Variants in CFAP46 observed in about 807,000 individuals in gnomAD.
CFAP46 encodes cilia and flagella associated protein 46.
Under a neutral mutation model 325.7 loss-of-function variants are expected in CFAP46, and 245 were observed. The observed-to-expected ratio is 0.75, with a 90% CI of 0.68 to 0.84. The LOEUF (loss-of-function observed/expected upper bound fraction) is 0.84, where lower values mean the gene tolerates loss of function less well. CFAP46 is among the 40% of genes least tolerant of loss of function. The probability of loss-of-function intolerance (pLI) is 0.00; values close to 1 mark genes in which losing one functional copy is unlikely to be tolerated. For synonymous variants in CFAP46, 1,523 were observed against 1,495.9 expected, an observed-to-expected ratio of 1.02 and a Z score of -0.42; for missense variants, 3,346 against 3,543.0, an observed-to-expected ratio of 0.94 and a Z score of 1.41.
chr10:132,926,072 T>TGCTA (rs1489699866), intron 10 of CFAP46, among the ~76,000 whole-genome samples: 1 of 152,236 alleles, frequency 6.6e-6, no homozygotes, highest in Non-Finnish European at 1.5e-5. Context: ...TGGTAGTGGC[T>TGCTA]GCTATTCCAG....
chr10:132,835,493 C>A, intron 46 of CFAP46, 59 bp from the exon 47 acceptor site: 3 of 1,602,618 alleles, frequency 1.9e-6, no homozygotes, highest in Non-Finnish European at 1.7e-6. Flanking sequence ...GCAGCTGGAC[C>A]GTGCATGGTG....
intron 32 of CFAP46, among the ~76,000 whole-genome samples, chr10:132,870,282 G>C (rs1006677908): frequency 1.3e-5 from 2 of 152,048 alleles, no homozygotes; most frequent in African/African-American, 4.8e-5. Context: ...TATTCCCCAA[G>C]ACACAGAAAT....
In CFAP46 at chr10:132,919,550, A is replaced by G. The variant is rs983894510; in HGVS notation, c.1731-108T>C. The G allele has an allele frequency of 3.6e-6, 5 of 1,405,472 alleles. No individual in the cohort carries two copies. The highest frequency in any genetic ancestry group is 3.8e-6 in the Non-Finnish European group (4 of 1,060,018). The allele number at this position is 1,405,472 out of a possible 1,614,324, so 87.1% of individuals were successfully genotyped here. A position where few individuals can be genotyped will look rare whatever the true frequency, so the allele number is the denominator to read the frequency against. ...TGAGAAAAGGCCACTGTGGCTCTGC[A>G]GTTTCAAGGTGGCAAGGAGCCCGGC... On this transcript the variant is annotated intron_variant, in intron 14 of 57. Transcript: ENST00000368586. This position sits in a 1 kb window ranked among gnomAD's most constrained non-coding sequence, Gnocchi z 9.7.
intron 6 of CFAP46, chr10:132,937,322 G>T: frequency 1.8e-6 from 1 of 560,180 alleles, no homozygotes; most frequent in Non-Finnish European, 3.0e-6. Flanking sequence ...AAAGAGCGAC[G>T]ATAAAGGCAA....
chr10:132,876,959 A>C lies in CFAP46; in HGVS notation c.4215T>G (p.Ser1405=). The change falls in exon 31 of 58, where the codon TCT becomes TCG. Residue 1405 remains serine, a splice_region_variant and synonymous_variant. Transcript: ENST00000368586. The surrounding 1 kb of genome is among the most constrained non-coding windows in gnomAD (Gnocchi z 4.1). ...GTTGTTTGATAGGAGCTGGGCTTTG[A>C]GACTAGAAAGGCAAGAATACAGGAT... ...KEEKVKEPKQ[S]QSPAPIKQLE... is the part of the protein sequence containing the mutation. 6.5e-7 allele frequency: 1 copy of C among 1,548,854 alleles called. No homozygotes were observed. Among genetic ancestry groups the C allele is most frequent in the South Asian group, 1.2e-5 (1 of 83,678 alleles).
chr10:132,823,055 T>C (rs1221557804), intron 50 of CFAP46, among the ~76,000 whole-genome samples: 1 of 132,274 alleles, frequency 7.6e-6, no homozygotes, highest in African/African-American at 2.9e-5. Flanking sequence ...TGCTGTGTGC[T>C]GTGAGTGCTG....
chr10:132,855,055 G>A (rs1438295514), intron 39 of CFAP46, among the ~76,000 whole-genome samples: 1 of 150,812 alleles, frequency 6.6e-6, no homozygotes, highest in Non-Finnish European at 1.5e-5. Context: ...TGGTAGTGTT[G>A]TTCAAATCTT....
chr10:132,877,428 G>C lies in CFAP46; in HGVS notation c.4212+453C>G, dbSNP rs1051618426. ...TTTGAGAAGTGGATACTTGCAGAGA[G>C]AAAGGTTTCATGAGATGAAAAAAAC... On this transcript the variant is annotated intron_variant, in intron 30 of 57. Transcript: ENST00000368586. The surrounding 1 kb of genome is among the most constrained non-coding windows in gnomAD (Gnocchi z 5.7). Among the ~76,000 whole-genome samples the C allele has an allele frequency of 1.3e-5, 2 of 152,194 alleles. No homozygotes were observed. Among genetic ancestry groups the C allele is most frequent in the African/African-American group, 4.8e-5 (2 of 41,452 alleles).
chr10:132,941,483 C>CA (rs1021742215), intron 3 of CFAP46, 108 bp downstream of exon 3: 19 of 1,408,194 alleles, frequency 1.3e-5, no homozygotes, highest in Non-Finnish European at 1.8e-5. Context: ...GGAATTCCTT[C>CA]ACTCTACTAC....
At chr10:132,941,473 G>C (rs1019608573) in intron 3 of CFAP46, 118 bp downstream of exon 3, 1 of 1,347,746 alleles carries the variant, frequency 7.4e-7, no homozygotes, top group African/African-American at 1.5e-5. Context: ...ACTCTGGAAA[G>C]GAATTCCTTC....
intron 44 of CFAP46, among the ~76,000 whole-genome samples, chr10:132,842,043 C>T (rs766829789): frequency 6.6e-6 from 1 of 152,234 alleles, no homozygotes; most frequent in Non-Finnish European, 1.5e-5. Flanking sequence ...CCTGGGCACA[C>T]CTTTCACTCT....
At chr10:132,840,318 C>T (rs1848328894) in intron 44 of CFAP46, among the ~76,000 whole-genome samples, 1 of 152,184 alleles carries the variant, frequency 6.6e-6, no homozygotes, top group Non-Finnish European at 1.5e-5. Flanking sequence ...CTTTTTCTTA[C>T]TGATACTGGA....
rs368893251 is a variant in CFAP46, at chr10:132,938,700, G to A, written c.425C>T (p.Pro142Leu). The change falls in exon 5 of 58, where the codon CCG (proline) becomes CTG (leucine). Residue 142 changes from proline to leucine, a missense_variant. Transcript: ENST00000368586. ...ASVLYWQMVR[P>L]FLKPGYRHHL... ...GTGACGATATCCAGGCTTGAGGAAC[G>A]GCCTCACCATCTGCCAGTAGAGGAC... 3.9e-5 allele frequency: 63 copies of A among 1,613,460 alleles called. No individual in the cohort carries two copies. The highest frequency in any genetic ancestry group is 3.3e-4 in the Middle Eastern group (2 of 6,080).
At chr10:132,859,581 G>A (rs939286918) in intron 37 of CFAP46, among the ~76,000 whole-genome samples, 2 of 152,044 alleles carry the variant, frequency 1.3e-5, no homozygotes, top group African/African-American at 4.8e-5. Flanking sequence ...ATGTTGAAGC[G>A]TTGGGCTGTT....
At chr10:132,917,032 T>C (rs1206642445) in intron 16 of CFAP46, among the ~76,000 whole-genome samples, 4 of 152,164 alleles carry the variant, frequency 2.6e-5, no homozygotes, top group African/African-American at 4.8e-5. Flanking sequence ...ACGTTTTAAA[T>C]GTTTGAGGGG....
chr10:132,935,723 G>A (rs373535796), intron 7 of CFAP46, among the ~76,000 whole-genome samples: 21 of 80,294 alleles, frequency 2.6e-4, no homozygotes, highest in East Asian at 1.2e-3. Flanking sequence ...CACTCCCCTC[G>A]GCACCCAAAC....
At chr10:132,826,891 T>C (rs80059377) in intron 50 of CFAP46, among the ~76,000 whole-genome samples, 2 of 152,126 alleles carry the variant, frequency 1.3e-5, no homozygotes, top group African/African-American at 4.8e-5. Context: ...GGCTTTGCAG[T>C]ACAGTCAGGA....
At chr10:132,942,130 G>C (rs1258508928) in intron 1 of CFAP46, 26 bp from the exon 2 acceptor site, 2 of 1,551,076 alleles carry the variant, frequency 1.3e-6, no homozygotes, top group Non-Finnish European at 8.7e-7. Flanking sequence ...GGTTGAGGAA[G>C]GTTTGGTCAC....
chr10:132,822,366 ATGTGTGCTGTG>A (rs1282741105), intron 50 of CFAP46, among the ~76,000 whole-genome samples: 6 of 94,844 alleles, frequency 6.3e-5, no homozygotes, highest in Non-Finnish European at 1.0e-4. Context: ...GTGTGCAGTG[ATGTGTGCTGTG>A]TGTGTGCTGA....
Sources: gnomAD v4.1 joint callset for allele counts (sites outside exome capture counted in the v4.1 genomes callset) on GRCh38, gnomAD v4.1.1 for gene constraint, Gnocchi (gnomAD v3.1) non-coding constraint, MANE v1.5 for transcripts, NCBI Gene and HGNC (gene_info 2026-07-23, HGNC 2026-07-21) for gene names.